NDEL1: variants seen among roughly 807,000 people sequenced by gnomAD.
NDEL1 encodes the protein nuclear distribution protein nudE-like 1.
A neutral mutation model predicts 45.7 loss-of-function variants in NDEL1; 9 were observed. The observed-to-expected ratio is 0.20, with a 90% CI of 0.12 to 0.34. The LOEUF (loss-of-function observed/expected upper bound fraction) is 0.34, where lower values mean the gene tolerates loss of function less well. Among genes scored for constraint, NDEL1 ranks in the 10% least tolerant of loss-of-function variants. The pLI is 1.00. For synonymous variants in NDEL1, 133 were observed against 158.6 expected (o/e 0.84, Z 1.21); for missense variants, 306 against 406.2 (o/e 0.75, Z 2.12).
intron 6 of NDEL1, 99 bp from the exon 7 acceptor site, chr17:8,454,697 A>T (rs1422251568): frequency 2.5e-6 from 2 of 803,874 alleles, no homozygotes; most frequent in African/African-American, 3.5e-5. Flanking sequence ...TAGTTTGTTG[A>T]TATTGTATTG....
intron 8 of NDEL1, among the ~76,000 whole-genome samples, chr17:8,463,715 G>A (rs1344984200): frequency 2.0e-5 from 3 of 152,172 alleles, no homozygotes; most frequent in African/African-American, 4.8e-5. Context: ...TGGGACTGGG[G>A]GTCTTCCCGT....
upstream of NDEL1, among the ~76,000 whole-genome samples, chr17:8,434,576 A>G (rs1014625501): frequency 2.6e-5 from 4 of 152,082 alleles, no homozygotes; most frequent in African/African-American, 9.7e-5. Context: ...TGTACATTAT[A>G]CAGCAAAAGT....
intron 4 of NDEL1, among the ~76,000 whole-genome samples, chr17:8,448,076 G>C (rs1371998001): frequency 1.3e-5 from 2 of 152,120 alleles, no homozygotes; most frequent in Non-Finnish European, 2.9e-5. Flanking sequence ...GAAAGCAAAG[G>C]GAATAGCTTC....
intron 1 of NDEL1, among the ~76,000 whole-genome samples, chr17:8,442,415 ATATT>A (rs60431310): frequency 2.0e-5 from 3 of 151,410 alleles, no homozygotes; most frequent in Non-Finnish European, 4.4e-5. Context: ...ATCAGTTCAC[ATATT>A]TATTTATTTA....
chr17:8,423,238 C>A (rs1045084240), intron 1 of NDEL1, among the ~76,000 whole-genome samples: 4 of 152,138 alleles, frequency 2.6e-5, no homozygotes, highest in Admixed American at 2.0e-4. Context: ...CCTTAACATT[C>A]CAGATTAGTG....
intron 8 of NDEL1, chr17:8,464,120 C>G (rs944591774): frequency 6.6e-6 from 1 of 152,246 alleles, no homozygotes; most frequent in Non-Finnish European, 1.5e-5. Flanking sequence ...CTTGGCTCTT[C>G]CCCCTTTTCA....
rs1251755100 is a variant in NDEL1, at chr17:8,465,449, CTG to C, written c.945-1479_945-1478del. ...GCCTTTCTCCTGGGGCTCTTGGTCT[CTG>C]TATGCGTGGTTGGAATTTAAACTCC... is the stretch of plus-strand genomic sequence containing the variant. On this transcript the variant is annotated intron_variant, in intron 8 of 8. Transcript: ENST00000334527. The surrounding 1 kb of genome is among the most constrained non-coding windows in gnomAD (Gnocchi z 4.9). 4 of 152,184 alleles carry C rather than the reference CTG, an allele frequency of 2.6e-5. No individual in the cohort carries two copies. Among genetic ancestry groups the C allele is most frequent in the African/African-American group, 9.7e-5 (4 of 41,440 alleles). 9.4% of individuals were successfully genotyped at this position (152,184 alleles called of 1,614,324 possible). A position where few individuals can be genotyped will look rare whatever the true frequency, so the allele number is the denominator to read the frequency against.
upstream of NDEL1, among the ~76,000 whole-genome samples, chr17:8,432,454 G>A (rs1045048405): frequency 2.1e-5 from 3 of 144,954 alleles, no homozygotes; most frequent in Admixed American, 7.0e-5. Context: ...GCGCGATCTC[G>A]GCTCACTGCA....
chr17:8,427,835 A>T (rs904914986), intron 1 of NDEL1, among the ~76,000 whole-genome samples: 1 of 152,206 alleles, frequency 6.6e-6, no homozygotes, highest in Non-Finnish European at 1.5e-5. Flanking sequence ...ACCAATATTT[A>T]TTGAGTGCCC....
intron 1 of NDEL1, among the ~76,000 whole-genome samples, chr17:8,428,827 C>G (rs531963277): frequency 2.0e-5 from 3 of 151,928 alleles, no homozygotes; most frequent in Admixed American, 6.6e-5. Flanking sequence ...GCTCCTGCCA[C>G]CACGCCCGGC....
chr17:8,466,287 A>G (rs373092858), intron 8 of NDEL1: 61 of 152,328 alleles, frequency 4.0e-4, no homozygotes, highest in African/African-American at 1.4e-3. Context: ...ATGTACATAT[A>G]TGTTGGTGTG....
chr17:8,469,954 C>A (rs1184798507), downstream of NDEL1, among the ~76,000 whole-genome samples: 1 of 151,490 alleles, frequency 6.6e-6, no homozygotes, highest in Non-Finnish European at 1.5e-5. Context: ...GTAATCCACC[C>A]GCCTCGGCCT....
At chr17:8,449,057 A>G (rs538710319) in intron 5 of NDEL1, among the ~76,000 whole-genome samples, 1 of 152,370 alleles carries the variant, frequency 6.6e-6, no homozygotes, top group Admixed American at 6.5e-5. Flanking sequence ...ATCTCAGCTC[A>G]CTGCAAATTC....
In NDEL1 at chr17:8,448,547, TAGGG is replaced by T; in HGVS notation, c.390-2_391del. The T allele has an allele frequency of 6.2e-7, 1 of 1,610,058 alleles. No individual in the cohort carries two copies. Among genetic ancestry groups the T allele is most frequent in the African/African-American group, 1.3e-5 (1 of 74,668 alleles). ...ATTCATGTACTCTAATTTTTCTTTTTAGGGCAACAATAGTTTCACTGGAAGACTT... is the reference window on the plus strand; with the variant it reads ...ATTCATGTACTCTAATTTTTCTTTTTCAACAATAGTTTCACTGGAAGACTT... On this transcript the variant is annotated splice_acceptor_variant and coding_sequence_variant, in exon 5 of 9. Transcript: ENST00000334527. LOFTEE classifies it high-confidence loss of function.
At position 8,465,791 on chromosome 17, in the gene NDEL1, T is replaced by A. The variant is rs535791723; in HGVS notation, c.945-1139T>A. 1.3e-5 allele frequency: 2 copies of A among 152,486 alleles called. No homozygotes were observed. Among genetic ancestry groups the A allele is most frequent in the African/African-American group, 4.8e-5 (2 of 41,562 alleles). 9.4% of individuals were successfully genotyped at this position (152,486 alleles called of 1,614,324 possible). A position where few individuals can be genotyped will look rare whatever the true frequency, so the allele number is the denominator to read the frequency against. On this transcript the variant is annotated intron_variant, in intron 8 of 8. Transcript: ENST00000334527. The surrounding 1 kb of genome is among the most constrained non-coding windows in gnomAD (Gnocchi z 4.9). ...CTCCCAAATTGCTAGTGGGACAAAT[T>A]TTCCTAGGAAGCGTTTCAAGGTGGA...
At chr17:8,474,263 T>C (rs1464495788) in intron 3 of NDEL1, 1 of 152,646 alleles carries the variant, frequency 6.6e-6, no homozygotes, top group East Asian at 1.9e-4. Flanking sequence ...CACGGGTGCT[T>C]TTTTCTTCAA....
In NDEL1 at chr17:8,414,710, C is replaced by T. The variant is rs114234715; in HGVS notation, c.-13+1441C>T. On this transcript the variant is annotated intron_variant, in intron 1 of 4. Coordinates refer to the NDEL1 transcript ENST00000582812. ...ACCATCTTATTTATTTATTTGAGGC[C>T]GGGTCTTGCTATGTTGCCCAGCCTG... is the stretch of plus-strand genomic sequence containing the variant. 5.1e-3 allele frequency among the ~76,000 whole-genome samples: 783 copies of T among 152,060 alleles called. 7 individuals carry two copies. The highest frequency in any genetic ancestry group is 8.3e-3 in the Non-Finnish European group (561 of 67,976).
Position 8,468,047 on chromosome 17 carries a change from A to C in NDEL1, c.*1024A>C, listed in dbSNP as rs1911724221. The C allele has an allele frequency of 6.6e-6, 1 of 152,546 alleles. No homozygotes were observed. Among genetic ancestry groups the C allele is most frequent in the Non-Finnish European group, 1.5e-5 (1 of 68,030 alleles). The allele number at this position is 152,546 out of a possible 1,614,324, so 9.4% of individuals were successfully genotyped here. A position where few individuals can be genotyped will look rare whatever the true frequency, so the allele number is the denominator to read the frequency against. Reference sequence around the variant, plus strand: ...TCAGAACGCATACGGCATGTTAATGACTCTGATGGTGTCCTCCTCTGGGCA... The same window carrying C: ...TCAGAACGCATACGGCATGTTAATGCCTCTGATGGTGTCCTCCTCTGGGCA... On this transcript the variant is annotated 3_prime_UTR_variant, in exon 9 of 9. Transcript: ENST00000334527.
In NDEL1 at chr17:8,415,126, CCTG is replaced by C. The variant is rs1327879466; in HGVS notation, c.-13+1859_-13+1861del. 6.1e-3 allele frequency among the ~76,000 whole-genome samples: 882 copies of C among 145,724 alleles called. 15 individuals are homozygous for C. Among genetic ancestry groups the C allele is most frequent in the African/African-American group, 0.02 (810 of 39,832 alleles). On this transcript the variant is annotated intron_variant, in intron 1 of 4. Transcript: ENST00000582812. ...TTCCTCCCTCCCTCCCTCCCTCCCT[CCTG>C]CCTCTTCTCTCTTTCTGTCTCTCTG...
Sources: allele counts gnomAD v4.1 joint callset (sites outside exome capture counted in the v4.1 genomes callset), GRCh38; gene constraint gnomAD v4.1.1; non-coding constraint Gnocchi (gnomAD v3.1); transcripts MANE v1.5; gene names NCBI Gene and HGNC (gene_info 2026-07-23, HGNC 2026-07-21).